Variants in SSPN observed in about 807,000 individuals in gnomAD.
The protein encoded by SSPN is sarcospan.
SSPN carries 15 observed loss-of-function variants against 19.1 expected under a neutral mutation model. The observed-to-expected ratio is 0.78, with a 90% confidence interval of 0.52 to 1.21. The LOEUF (loss-of-function observed/expected upper bound fraction) is 1.21. SSPN is among the 50% of genes most tolerant of loss of function. The pLI is 0.00. For synonymous variants in SSPN, 147 were observed against 140.3 expected (o/e 1.05, Z -0.34); for missense variants, 291 against 314.0 (o/e 0.93, Z 0.55).
rs1043357167 is a variant in SSPN at position 26,230,647 on chromosome 12, C to T, written c.367-64C>T. 1.4e-5 allele frequency: 21 copies of T among 1,515,090 alleles called. No individual in the cohort carries two copies. The East Asian group carries it at 2.3e-4, about 16-fold the overall frequency. 93.9% of individuals were successfully genotyped at this position (1,515,090 alleles called of 1,614,324 possible). On this transcript the variant is annotated intron_variant, in intron 2 of 2. Transcript: ENST00000242729. The stretch of plus-strand genomic sequence containing the variant: ...AGAAAAAGAACAGTTTTGATGAATT[C>T]GCTTTGCAAATCATCATCCAATGTT...
intron 2 of SSPN, among the ~76,000 whole-genome samples, chr12:26,225,029 A>G (rs1945162727): frequency 1.3e-5 from 2 of 152,226 alleles, no homozygotes; most frequent in South Asian, 4.1e-4. Context: ...GGACATAGAC[A>G]TAGAACTTAG....
At chr12:26,170,386 G>A (rs969299162) in intron 1 of SSPN, among the ~76,000 whole-genome samples, 2 of 152,134 alleles carry the variant, frequency 1.3e-5, no homozygotes, top group Admixed American at 6.5e-5. Flanking sequence ...CATTAATTCC[G>A]ATGGCTCTAA....
intron 1 of SSPN, among the ~76,000 whole-genome samples, chr12:26,210,346 A>G (rs1944972261): frequency 6.6e-6 from 1 of 152,078 alleles, no homozygotes; most frequent in Non-Finnish European, 1.5e-5. Flanking sequence ...AATAGAATCA[A>G]ACCACTGTTT....
At chr12:26,137,091 T>C (rs1257423341) in intron 1 of SSPN, among the ~76,000 whole-genome samples, 4 of 152,216 alleles carry the variant, frequency 2.6e-5, no homozygotes, top group African/African-American at 9.6e-5. Context: ...TGCTCTCTTT[T>C]ACTGTTTTGC....
chr12:26,174,340 T>C (rs975779462), intron 1 of SSPN, among the ~76,000 whole-genome samples: 3 of 152,190 alleles, frequency 2.0e-5, no homozygotes, highest in Admixed American at 2.0e-4. Context: ...CATTATCAGC[T>C]TTATTGAAGT....
intron 1 of SSPN, chr12:26,122,485 C>T: frequency 7.5e-7 from 1 of 1,331,454 alleles, no homozygotes; most frequent in South Asian, 1.7e-5. Context: ...AAGGGGGCCG[C>T]GGCGGCCGCG....
In SSPN at chr12:26,202,038, T is replaced by C. The variant is rs184876884; in HGVS notation, c.279+6087T>C. ...CTCAAGTCCCTGCTATAAAATGGTG[T>C]AGTATTTGCATATAATTTATGCACA... On this transcript the variant is annotated intron_variant, in intron 1 of 2. Coordinates refer to ENST00000242729, the MANE Select transcript of SSPN (RefSeq NM_005086.5). 3.0e-3 allele frequency among the ~76,000 whole-genome samples: 457 copies of C among 152,302 alleles called. 1 individual carries two copies. The highest frequency in any genetic ancestry group is 0.01 in the African/African-American group (434 of 41,562).
At chr12:26,213,263 C>T (rs1231968309) in intron 1 of SSPN, among the ~76,000 whole-genome samples, 2 of 140,312 alleles carry the variant, frequency 1.4e-5, no homozygotes, top group Non-Finnish European at 3.1e-5. Context: ...AGGTTTGTAA[C>T]AGAAATAAAA....
chr12:26,179,919 C>CTTTTTTTTTTTTT (rs10591596), intron 1 of SSPN: 2 of 68,268 alleles, frequency 2.9e-5, no homozygotes, highest in African/African-American at 6.1e-5. Flanking sequence ...TTTAGCTAGG[C>CTTTTTTTTTTTTT]TTTTTTTTTT....
intron 1 of SSPN, among the ~76,000 whole-genome samples, chr12:26,161,848 G>T (rs1944591085): frequency 6.6e-6 from 1 of 152,162 alleles, no homozygotes; most frequent in African/African-American, 2.4e-5. Context: ...AGGGTTCATG[G>T]TCCTATGAGA....
chr12:26,193,145 T>C (rs115896905), upstream of SSPN, among the ~76,000 whole-genome samples: 861 of 152,344 alleles, frequency 5.7e-3, 11 homozygotes, highest in African/African-American at 0.02. Flanking sequence ...ATTCACTGTA[T>C]TATAGATACT....
At chr12:26,143,916 T>A (rs1019019794) in intron 1 of SSPN, among the ~76,000 whole-genome samples, 9 of 152,272 alleles carry the variant, frequency 5.9e-5, no homozygotes, top group African/African-American at 2.2e-4. Context: ...CTAGGTTGTG[T>A]GCTTTTTATG....
At chr12:26,178,561 C>G (rs955480190) in intron 1 of SSPN, among the ~76,000 whole-genome samples, 1 of 151,884 alleles carries the variant, frequency 6.6e-6, no homozygotes, top group Non-Finnish European at 1.5e-5. Context: ...TATGTGAACA[C>G]AGTAAGAATG....
chr12:26,210,177 T>A (rs1260732523), intron 1 of SSPN, among the ~76,000 whole-genome samples: 1 of 151,894 alleles, frequency 6.6e-6, no homozygotes. Context: ...CTATATTTCC[T>A]CCACACCCAC....
At chr12:26,211,715 C>T (rs1944988181) in intron 1 of SSPN, 1 of 152,184 alleles carries the variant, frequency 6.6e-6, no homozygotes, top group Admixed American at 6.6e-5. Context: ...CTGCAAAGCA[C>T]AGTGTGTGCT....
chr12:26,172,828 T>G (rs1944661739), intron 1 of SSPN, among the ~76,000 whole-genome samples: 1 of 151,970 alleles, frequency 6.6e-6, no homozygotes, highest in Non-Finnish European at 1.5e-5. Flanking sequence ...GTGGCGCGAT[T>G]AGAATCCACT....
intron 1 of SSPN, chr12:26,122,638 G>GGCCGCCGCCGCT (rs753880774): frequency 1.6e-5 from 21 of 1,304,250 alleles, no homozygotes; most frequent in Admixed American, 8.8e-5. Flanking sequence ...CCGCCCCCCG[G>GGCCGCCGCCGCT]GCCGCCGCCG....
intron 1 of SSPN, among the ~76,000 whole-genome samples, chr12:26,201,032 T>TATTATATATATATATATA: frequency 2.6e-5 from 1 of 38,210 alleles, no homozygotes; most frequent in Non-Finnish European, 4.7e-5. Context: ...TATATATATA[T>TATTATATATATATATATA]ATATATATAT....
rs538257980 is a variant in SSPN, at chr12:26,209,555, A to G, written c.279+13604A>G. On this transcript the variant is annotated intron_variant, in intron 1 of 2. Coordinates refer to ENST00000242729, the MANE Select transcript of SSPN (RefSeq NM_005086.5). ...TGGTTCACTTTTCCCTTCTTCATTT[A>G]GGTTTAATCTGCCTTTTACTTGTCC... Among the ~76,000 whole-genome samples the G allele has an allele frequency of 2.1e-4, 32 of 151,702 alleles. 1 individual carries two copies. Among genetic ancestry groups the G allele is most frequent in the African/African-American group, 7.5e-4 (31 of 41,368 alleles).
Sources: gnomAD v4.1 joint callset for allele counts (sites outside exome capture counted in the v4.1 genomes callset) on GRCh38, gnomAD v4.1.1 for gene constraint, MANE v1.5 for transcripts, NCBI Gene and HGNC (gene_info 2026-07-23, HGNC 2026-07-21) for gene names.